MIR2052HG: variants seen among roughly 807,000 people sequenced by gnomAD.
The protein encoded by MIR2052HG is MIR2052 host gene.
chr8:74,607,016 TA>T lies in MIR2052HG; in HGVS notation n.129-5833del, dbSNP rs1340553690. 2.0e-5 allele frequency among the ~76,000 whole-genome samples: 3 copies of T among 150,108 alleles called. No homozygotes were observed. The East Asian group carries it at 5.9e-4, about 29-fold the overall frequency. On this transcript the variant is annotated intron_variant and non_coding_transcript_variant, in intron 1 of 6. Coordinates refer to ENST00000523442, the Ensembl canonical transcript of MIR2052HG. ...ATGTAAATGGCCTAAAAATCCCAACTAAAAGGCAAAAAAATTGAAAGATTGG... is the reference window on the plus strand; with the variant it reads ...ATGTAAATGGCCTAAAAATCCCAACTAAAGGCAAAAAAATTGAAAGATTGG...
At chr8:74,720,247 TCA>T (rs1041618955) in intron 4 of MIR2052HG, among the ~76,000 whole-genome samples, 5 of 152,220 alleles carry the variant, frequency 3.3e-5, no homozygotes, top group African/African-American at 1.2e-4. Flanking sequence ...TACCGAACTC[TCA>T]GTCAACTTAG....
At chr8:74,631,353 A>G (rs1027531706) in intron 2 of MIR2052HG, among the ~76,000 whole-genome samples, 2 of 152,254 alleles carry the variant, frequency 1.3e-5, no homozygotes, top group Non-Finnish European at 2.9e-5. Context: ...GTATAGAAGA[A>G]TAAATAGAAA....
chr8:74,634,577 C>G (rs764822097), intron 2 of MIR2052HG, among the ~76,000 whole-genome samples: 1 of 151,934 alleles, frequency 6.6e-6, no homozygotes, highest in Non-Finnish European at 1.5e-5. Context: ...GTAATATTTA[C>G]TCAGTGCTTA....
At chr8:74,599,758 G>T (rs1563506936), upstream of MIR2052HG, 1 of 151,318 alleles carries the variant, frequency 6.6e-6, no homozygotes, top group African/African-American at 2.4e-5. Context: ...GCTCCACCCA[G>T]TTGGAGCTTT....
chr8:74,688,614 G>A (rs754982723), intron 2 of MIR2052HG, among the ~76,000 whole-genome samples: 17 of 152,146 alleles, frequency 1.1e-4, no homozygotes, highest in Admixed American at 2.6e-4. Context: ...CTAAGTACAC[G>A]TTTGGAACTT....
At chr8:74,629,733 T>C (rs1479009084) in intron 2 of MIR2052HG, among the ~76,000 whole-genome samples, 3 of 152,162 alleles carry the variant, frequency 2.0e-5, no homozygotes, top group African/African-American at 7.2e-5. Flanking sequence ...CAAAACAGCG[T>C]TGGCCAACCA....
chr8:74,623,497 C>T (rs1808394124), intron 2 of MIR2052HG, among the ~76,000 whole-genome samples: 1 of 152,050 alleles, frequency 6.6e-6, no homozygotes, highest in African/African-American at 2.4e-5. Flanking sequence ...CTGTTCAGAA[C>T]TTAAAGATCA....
At chr8:74,711,756 TA>T (rs1225273900) in intron 4 of MIR2052HG, among the ~76,000 whole-genome samples, 1 of 152,226 alleles carries the variant, frequency 6.6e-6, no homozygotes, top group Non-Finnish European at 1.5e-5. Flanking sequence ...TATATGAAAT[TA>T]AAAGGATTAA....
At chr8:74,661,440 A>T (rs141937079) in intron 2 of MIR2052HG, among the ~76,000 whole-genome samples, 5,215 of 152,070 alleles carry the variant, frequency 0.034, 114 homozygotes, top group Middle Eastern at 0.054. Context: ...TGACCTCCTG[A>T]TCCGCCCACC....
chr8:74,610,608 A>G (rs1234043921), intron 1 of MIR2052HG, among the ~76,000 whole-genome samples: 1 of 151,990 alleles, frequency 6.6e-6, no homozygotes, highest in African/African-American at 2.4e-5. Context: ...AAACCTTTAT[A>G]AAGCTACAAT....
At chr8:74,652,703 C>A (rs537121510) in intron 2 of MIR2052HG, among the ~76,000 whole-genome samples, 1 of 152,132 alleles carries the variant, frequency 6.6e-6, no homozygotes, top group South Asian at 2.1e-4. Context: ...TCACATAACA[C>A]ATATCTATTT....
At chr8:74,726,311 CT>C (rs1397833488) in intron 4 of MIR2052HG, among the ~76,000 whole-genome samples, 2 of 152,146 alleles carry the variant, frequency 1.3e-5, no homozygotes, top group Admixed American at 6.5e-5. Context: ...GCATCAAAAG[CT>C]TGCTCACTAT....
intron 2 of MIR2052HG, among the ~76,000 whole-genome samples, chr8:74,616,929 C>T (rs1023396504): frequency 2.0e-5 from 3 of 151,824 alleles, no homozygotes; most frequent in Non-Finnish European, 2.9e-5. Context: ...AGCTCTGTTT[C>T]AGGTATTGAG....
At chr8:74,716,429 A>G (rs1809522276) in intron 4 of MIR2052HG, among the ~76,000 whole-genome samples, 1 of 152,168 alleles carries the variant, frequency 6.6e-6, no homozygotes, top group African/African-American at 2.4e-5. Flanking sequence ...GAATGAATCC[A>G]GGGCCGGTCA....
chr8:74,675,495 A>G (rs551275930), intron 2 of MIR2052HG, among the ~76,000 whole-genome samples: 1 of 152,176 alleles, frequency 6.6e-6, no homozygotes, highest in East Asian at 1.9e-4. Context: ...TGAGGATTTT[A>G]GTATCTATAG....
chr8:74,649,716 A>G (rs1040532493), intron 2 of MIR2052HG, among the ~76,000 whole-genome samples: 1 of 152,100 alleles, frequency 6.6e-6, no homozygotes, highest in African/African-American at 2.4e-5. Flanking sequence ...ACTGTGAATT[A>G]CTCACTATAT....
chr8:74,754,280 A>T (rs947814898), intron 5 of MIR2052HG, among the ~76,000 whole-genome samples: 1 of 152,202 alleles, frequency 6.6e-6, no homozygotes, highest in African/African-American at 2.4e-5. Context: ...CTCTCCATTG[A>T]CCTCTTAGCA....
chr8:74,674,908 G>A (rs1375287724), intron 2 of MIR2052HG, among the ~76,000 whole-genome samples: 4 of 151,688 alleles, frequency 2.6e-5, no homozygotes, highest in African/African-American at 9.7e-5. Context: ...ATTGGAACCT[G>A]TTAATCATTT....
intron 2 of MIR2052HG, among the ~76,000 whole-genome samples, chr8:74,694,062 A>G (rs576966458): frequency 1.4e-4 from 22 of 152,094 alleles, no homozygotes; most frequent in Admixed American, 1.4e-3. Flanking sequence ...CACAAAACCA[A>G]CACACTAAAC....
Sources: gnomAD v4.1 joint callset for allele counts (sites outside exome capture counted in the v4.1 genomes callset) on GRCh38, gnomAD v4.1.1 for gene constraint, MANE v1.5 for transcripts, NCBI Gene and HGNC (gene_info 2026-07-23, HGNC 2026-07-21) for gene names.